The following SIRPB1 variants were observed in gnomAD, a reference collection of about 807,000 sequenced individuals.
The protein encoded by SIRPB1 is signal-regulatory protein beta-1.
A neutral mutation model predicts 34.1 loss-of-function variants in SIRPB1; 28 were observed. The observed-to-expected ratio is 0.82, with a 90% CI of 0.61 to 1.12. The LOEUF is 1.12. Ranked by LOEUF, SIRPB1 falls within the 50% of genes most tolerant of loss-of-function variation. SIRPB1 has a pLI of 0.00. For synonymous variants in SIRPB1, 211 were observed against 203.8 expected, an observed-to-expected ratio of 1.04 and a Z score of -0.30; for missense variants, 499 against 507.0, an observed-to-expected ratio of 0.98 and a Z score of 0.15.
At position 1,578,498 on chromosome 20, in the gene SIRPB1, A is replaced by T; in HGVS notation, c.273T>A (p.Thr91=). Residue 91 remains threonine, a synonymous_variant, in exon 2 of 6, where the codon ACT becomes ACA. Transcript: ENST00000381605. ...TGTTTCTCTTTGTGAGTTCTGAAAC[A>T]GTTGTTACCCGTGGGAAGTGGCCTT... is the stretch of plus-strand genomic sequence containing the variant. The part of the protein sequence containing the change: ...QKEGHFPRVT[T]VSELTKRNNL... 4 of 1,583,952 alleles carry T rather than the reference A, an allele frequency of 2.5e-6. No individual in the cohort carries two copies. Among genetic ancestry groups the T allele is most frequent in the Non-Finnish European group, 3.5e-6 (4 of 1,157,698 alleles).
chr20:1,575,953 T>G (rs1276260158), intron 2 of SIRPB1, among the ~76,000 whole-genome samples: 1 of 104,928 alleles, frequency 9.5e-6, no homozygotes, highest in Non-Finnish European at 2.1e-5. Context: ...TGAGCTTCAG[T>G]GTCCTCATCT....
intron 4 of SIRPB1, among the ~76,000 whole-genome samples, chr20:1,567,041 G>A (rs768797296): frequency 6.6e-6 from 1 of 152,174 alleles, no homozygotes; most frequent in Non-Finnish European, 1.5e-5. Flanking sequence ...GGGACTGTTT[G>A]CATTTTTTAA....
rs778552995 is a variant in SIRPB1 at position 1,619,821 on chromosome 20, A to C, written c.76+48T>G. ...ATCCCTGAAAGTCCAGGGACAGGCCATGGCTCAGTGGGCAGGAAAAAAGAT... is the reference window on the plus strand; with the variant it reads ...ATCCCTGAAAGTCCAGGGACAGGCCCTGGCTCAGTGGGCAGGAAAAAAGAT... On this transcript the variant is annotated intron_variant, in intron 1 of 5. Coordinates refer to ENST00000381605, the MANE Select transcript of SIRPB1 (RefSeq NM_006065.5). The C allele has an allele frequency of 2.9e-6, 4 of 1,375,396 alleles. No individual in the cohort carries two copies. The Admixed American group carries it at 7.1e-5, about 24-fold the overall frequency. The allele number at this position is 1,375,396 out of a possible 1,614,324, so 85.2% of individuals were successfully genotyped here.
chr20:1,582,382 C>T lies in SIRPB1; in HGVS notation c.77-3688G>A, dbSNP rs2091401524. Among the ~76,000 whole-genome samples the T allele has an allele frequency of 4.1e-5, 2 of 49,366 alleles. 1 individual carries two copies. The highest frequency in any genetic ancestry group is 1.1e-3 in the East Asian group (2 of 1,766). 32.4% of individuals were successfully genotyped at this position (49,366 alleles called of 152,430 possible). On this transcript the variant is annotated intron_variant, in intron 1 of 5. Transcript: ENST00000381605. ...AAATTGCCCCACAGGCCAGGCTCTG[C>T]TCATCTGAAATGACACCCATCGGAA...
chr20:1,561,527 A>G lies in SIRPB1; in HGVS notation c.*3973T>C, dbSNP rs2091083385. Among the ~76,000 whole-genome samples the G allele has an allele frequency of 6.6e-6, 1 of 151,978 alleles. No individual in the cohort carries two copies. The highest frequency in any genetic ancestry group is 1.9e-4 in the East Asian group (1 of 5,178). The stretch of plus-strand genomic sequence containing the variant: ...TCTCTTGGCTATGACAGTTTTTTAG[A>G]CTTTCCTTGATTTTGATGACCTTGA... On this transcript the variant is annotated 3_prime_UTR_variant, in exon 6 of 6. Transcript: ENST00000381605.
At chr20:1,618,168 G>T (rs1049356588) in intron 1 of SIRPB1, among the ~76,000 whole-genome samples, 5 of 152,068 alleles carry the variant, frequency 3.3e-5, no homozygotes, top group African/African-American at 1.2e-4. Flanking sequence ...TAAAATATGT[G>T]GCCCATAGAA....
rs767324864 is a variant in SIRPB1 at position 1,570,917 on chromosome 20, G to A, written c.972C>T (p.Asp324=). The A allele has an allele frequency of 1.4e-5, 23 of 1,614,042 alleles. No homozygotes were observed. Among genetic ancestry groups the A allele is most frequent in the Middle Eastern group, 1.6e-4 (1 of 6,084 alleles). ...WLLVNTCAHR[D]DVVLTCQVEH... is the part of the protein sequence containing the mutation. ...CCACCTGACAGGTGAGCACCACATCGTCCCTGTGGGCACAGGTGTTCACCA... is the reference window on the plus strand; with the variant it reads ...CCACCTGACAGGTGAGCACCACATCATCCCTGTGGGCACAGGTGTTCACCA... The change falls in exon 4 of 6, where the codon GAC becomes GAT. Residue 324 remains aspartate (D), a synonymous_variant. Coordinates refer to ENST00000381605, the MANE Select transcript of SIRPB1 (RefSeq NM_006065.5).
rs574705552 is a variant in SIRPB1 at position 1,572,689 on chromosome 20, A to G, written c.434-652T>C. ...TACAGATACACAGAGGTCTCTCTTT[A>G]GGTATTATAAAAATATGAAACATTC... On this transcript the variant is annotated intron_variant, in intron 2 of 5. Transcript: ENST00000381605. Among the ~76,000 whole-genome samples the G allele has an allele frequency of 1.2e-4, 18 of 152,060 alleles. No individual in the cohort carries two copies. In the South Asian group the frequency reaches 3.1e-3, roughly 26 times the overall value.
At chr20:1,569,579 G>T (rs1215827001) in intron 4 of SIRPB1, among the ~76,000 whole-genome samples, 1 of 152,176 alleles carries the variant, frequency 6.6e-6, no homozygotes, top group Non-Finnish European at 1.5e-5. Flanking sequence ...TGGCAGGCAG[G>T]GACATGAACA....
At chr20:1,598,866 AACC>A in intron 1 of SIRPB1, 1 of 576,310 alleles carries the variant, frequency 1.7e-6, no homozygotes, top group Non-Finnish European at 2.3e-6. Flanking sequence ...CAGAGACACC[AACC>A]ACCAGCAGCA....
intron 1 of SIRPB1, among the ~76,000 whole-genome samples, chr20:1,617,104 G>A (rs1226339797): frequency 6.6e-6 from 1 of 152,186 alleles, no homozygotes; most frequent in African/African-American, 2.4e-5. Context: ...ATGTAAATTA[G>A]TAGAGCCATT....
In SIRPB1 at chr20:1,592,607, C is replaced by T. The variant is rs146169245; in HGVS notation, c.77-13913G>A. On this transcript the variant is annotated intron_variant, in intron 1 of 5. Coordinates refer to ENST00000381605, the MANE Select transcript of SIRPB1 (RefSeq NM_006065.5). ...AGAGGGAGAAAATTTATGTGTTTTA[C>T]GATGTTGGGGGGCAACCTAAGAGAT... Among the ~76,000 whole-genome samples, 89 of 49,118 alleles carry T rather than the reference C, an allele frequency of 1.8e-3. 39 individuals carry two copies. In the East Asian group the frequency reaches 0.05, roughly 28 times the overall value. 32.2% of individuals were successfully genotyped at this position (49,118 alleles called of 152,430 possible).
At chr20:1,579,386 C>T (rs1272847611) in intron 1 of SIRPB1, among the ~76,000 whole-genome samples, 1 of 148,198 alleles carries the variant, frequency 6.7e-6, no homozygotes, top group African/African-American at 2.4e-5. Context: ...TTTTGTATCA[C>T]TGGATTGGGT....
rs756410895 is a variant in SIRPB1 at position 1,561,594 on chromosome 20, C to T, written c.*3906G>A. Reference sequence around the variant, plus strand: ...TGGGCCCGATGTTGCAGAATGCCTCCTTATTGAAATTTGTCTGATGTTTTC... The same window carrying T: ...TGGGCCCGATGTTGCAGAATGCCTCTTTATTGAAATTTGTCTGATGTTTTC... On this transcript the variant is annotated 3_prime_UTR_variant, in exon 6 of 6. Transcript: ENST00000381605. Among the ~76,000 whole-genome samples the T allele has an allele frequency of 2.0e-5, 3 of 152,024 alleles. No individual in the cohort carries two copies. Among genetic ancestry groups the T allele is most frequent in the African/African-American group, 4.8e-5 (2 of 41,380 alleles).
rs549660894 is a variant in SIRPB1 at position 1,610,524 on chromosome 20, A to G, written c.76+9345T>C. ...TCTTGGGCCTCTGGGAGGAAACCCC[A>G]GATAAGCATTGTTGCAGCCTTATAT... On this transcript the variant is annotated intron_variant, in intron 1 of 5. Transcript: ENST00000381605. Among the ~76,000 whole-genome samples the G allele has an allele frequency of 1.0e-3, 76 of 72,530 alleles. 31 individuals carry two copies. Among genetic ancestry groups the G allele is most frequent in the Non-Finnish European group, 1.8e-3 (70 of 38,608 alleles). 47.6% of individuals were successfully genotyped at this position (72,530 alleles called of 152,430 possible).
At chr20:1,605,221 G>C (rs2091503604) in intron 1 of SIRPB1, among the ~76,000 whole-genome samples, 1 of 49,032 alleles carries the variant, frequency 2.0e-5, no homozygotes, top group Non-Finnish European at 3.9e-5. Context: ...TTACAGAGCA[G>C]GATGCAAAGG....
rs2091358333 is a variant in SIRPB1, at chr20:1,578,705, G to A, written c.77-11C>T. 6.5e-7 allele frequency: 1 copy of A among 1,544,368 alleles called. No homozygotes were observed. Among genetic ancestry groups the A allele is most frequent in the Non-Finnish European group, 8.9e-7 (1 of 1,121,092 alleles). On this transcript the variant is annotated splice_polypyrimidine_tract_variant and intron_variant, in intron 1 of 5. Coordinates refer to ENST00000381605, the MANE Select transcript of SIRPB1 (RefSeq NM_006065.5). ...CCTCACCTGCCACTCCTGGAAAGGA[G>A]CACAAAGCAGTCATTTCTTCATCCT...
chr20:1,570,612 AG>A (rs1214242774), intron 4 of SIRPB1, 192 bp downstream of exon 4: 1 of 540,306 alleles, frequency 1.9e-6, no homozygotes, highest in African/African-American at 1.9e-5. Flanking sequence ...ATGGGGCTTA[AG>A]GGTGTCTACA....
rs60912313 is a variant in SIRPB1, at chr20:1,583,848, T to TTACTACTACTACTAC, written c.77-5169_77-5155dup. ...GTTGAAGACTGTAGTAAGGGAAGTCTTACTACTACTACTACTACTACTACT... is the reference window on the plus strand; with the variant it reads ...GTTGAAGACTGTAGTAAGGGAAGTCTTACTACTACTACTACTACTACTACTACTACTACTACTACT... On this transcript the variant is annotated intron_variant, in intron 1 of 5. Transcript: ENST00000381605. Among the ~76,000 whole-genome samples, 14 of 32,576 alleles carry TTACTACTACTACTAC rather than the reference T, an allele frequency of 4.3e-4. 4 individuals are homozygous for TTACTACTACTACTAC. The highest frequency in any genetic ancestry group is 6.7e-4 in the Non-Finnish European group (12 of 18,024). The allele number at this position is 32,576 out of a possible 152,430, so 21.4% of individuals were successfully genotyped here.
Sources: gnomAD v4.1 joint callset for allele counts (sites outside exome capture counted in the v4.1 genomes callset) on GRCh38, gnomAD v4.1.1 for gene constraint, MANE v1.5 for transcripts, NCBI Gene and HGNC (gene_info 2026-07-23, HGNC 2026-07-21) for gene names.